Variants in MAN2B1 observed in about 807,000 individuals in gnomAD.
MAN2B1 encodes mannosidase alpha class 2B member 1.
Under a neutral mutation model 127.5 loss-of-function variants are expected in MAN2B1, and 99 were observed. The observed-to-expected ratio is 0.78, with a 90% CI of 0.66 to 0.92. The LOEUF (loss-of-function observed/expected upper bound fraction) is 0.92. MAN2B1 is among the 40% of genes least tolerant of loss of function. The pLI is 0.00. For missense variants in MAN2B1, 1,304 were observed against 1,384.8 expected, an observed-to-expected ratio of 0.94 and a Z score of 0.93; for synonymous variants, 573 against 568.8, an observed-to-expected ratio of 1.01 and a Z score of -0.11.
In MAN2B1 at chr19:12,661,396, C is replaced by T. The variant is rs376680335; in HGVS notation, c.910-20G>A. The T allele has an allele frequency of 3.9e-6, 6 of 1,523,862 alleles. No individual in the cohort carries two copies. The African/African-American group carries it at 6.9e-5, about 17-fold the overall frequency. The allele number at this position is 1,523,862 out of a possible 1,614,324, so 94.4% of individuals were successfully genotyped here. ...CCGGCCCTGCAGGCAAGAGGGGAGT[C>T]CTGAAGCCAGAGGATCCTGGGCCAT... On this transcript the variant is annotated intron_variant, in intron 6 of 23. Coordinates refer to ENST00000456935, the MANE Select transcript of MAN2B1 (RefSeq NM_000528.4).
chr19:12,664,568 G>A (rs1342678267), intron 4 of MAN2B1, among the ~76,000 whole-genome samples: 1 of 152,250 alleles, frequency 6.6e-6, no homozygotes, highest in East Asian at 1.9e-4. Flanking sequence ...TTAGGGGAGA[G>A]GGCGGAGCCA....
intron 7 of MAN2B1, among the ~76,000 whole-genome samples, chr19:12,659,297 C>CTTTT (rs34781385): frequency 2.6e-5 from 3 of 113,932 alleles, no homozygotes; most frequent in Admixed American, 9.0e-5. Context: ...GCTCAATAAA[C>CTTTT]TTTTTTTTTT....
At chr19:12,662,249 G>A (rs564386909) in intron 6 of MAN2B1, among the ~76,000 whole-genome samples, 4 of 152,302 alleles carry the variant, frequency 2.6e-5, no homozygotes, top group Admixed American at 6.5e-5. Context: ...GCCAAGGCAG[G>A]AGGATCACTT....
At chr19:12,655,928 T>A in intron 13 of MAN2B1, 49 bp from the exon 14 acceptor site, 1 of 1,517,626 alleles carries the variant, frequency 6.6e-7, no homozygotes, top group Non-Finnish European at 9.1e-7. Flanking sequence ...CATGGAAAGC[T>A]ATACATGCAT....
At chr19:12,658,723 GAATA>G (rs1160070432) in intron 7 of MAN2B1, 1 of 583,540 alleles carries the variant, frequency 1.7e-6, no homozygotes, top group African/African-American at 1.9e-5. Context: ...AGAGATGCAA[GAATA>G]AACCTGAAAT....
intron 14 of MAN2B1, among the ~76,000 whole-genome samples, chr19:12,654,334 G>A (rs985377152): frequency 3.3e-5 from 5 of 152,040 alleles, no homozygotes; most frequent in East Asian, 1.9e-4. Flanking sequence ...GAGCCACCGC[G>A]CCCGGCCCCC....
At chr19:12,655,664 G>A in intron 14 of MAN2B1, 30 bp downstream of exon 14, 1 of 1,598,370 alleles carries the variant, frequency 6.3e-7, no homozygotes, top group Non-Finnish European at 8.5e-7. Flanking sequence ...TGTCACAGGA[G>A]CAGGAAAGGG....
At chr19:12,649,858 C>T (rs1179322623) in intron 18 of MAN2B1, 55 bp downstream of exon 18, 1 of 1,405,204 alleles carries the variant, frequency 7.1e-7, no homozygotes. Flanking sequence ...CCTCACCACC[C>T]CTGGGCCCCA....
Position 12,647,577 on chromosome 19 carries a change from G to A in MAN2B1, c.2686C>T (p.Leu896=), listed in dbSNP as rs2145221961. 6.2e-7 allele frequency: 1 copy of A among 1,613,922 alleles called. No individual in the cohort carries two copies. Among genetic ancestry groups the A allele is most frequent in the South Asian group, 1.1e-5 (1 of 91,052 alleles). Residue 896 remains leucine (L), a synonymous_variant, in exon 22 of 24, where the codon CTG becomes TTG. Transcript: ENST00000456935. This position sits in a 1 kb window ranked among gnomAD's most constrained non-coding sequence, Gnocchi z 4.9. ...GTGAGCAGGTGCACCGAGGGCGGCAGGTCCCTGCGCAGCCCTGAGAACTGC... is the reference window on the plus strand; with the variant it reads ...GTGAGCAGGTGCACCGAGGGCGGCAAGTCCCTGCGCAGCCCTGAGAACTGC... ...RTQFSGLRRD[L]PPSVHLLTLA...
chr19:12,652,413 A>G lies in MAN2B1; in HGVS notation c.1878T>C (p.Ile626=). 6.2e-7 allele frequency: 1 copy of G among 1,614,128 alleles called. No homozygotes were observed. Among genetic ancestry groups the G allele is most frequent in the Non-Finnish European group, 8.5e-7 (1 of 1,180,022 alleles). The change falls in exon 15 of 24, where the codon ATT becomes ATC. Residue 626 remains isoleucine, a synonymous_variant. Transcript: ENST00000456935. ...GCAGGAGTTGCTGATTCATGTTCAT[A>G]ATCTCCATCAACAGCCCTGTGTCAG... The part of the protein sequence containing the change: ...FDPDTGLLME[I]MNMNQQLLLP...
chr19:12,656,529 G>A (rs766824832), intron 13 of MAN2B1, 42 bp downstream of exon 13: 7 of 1,428,022 alleles, frequency 4.9e-6, no homozygotes, highest in Non-Finnish European at 6.9e-6. Context: ...TGCCCACTGG[G>A]GGAGGAGTCC....
At chr19:12,649,821 C>CCCACACT in intron 18 of MAN2B1, 92 bp downstream of exon 18, 2 of 1,117,292 alleles carry the variant, frequency 1.8e-6, no homozygotes, top group East Asian at 4.7e-5. Context: ...TCCTCTGTCT[C>CCCACACT]CCACACTCAT....
At position 12,665,452 on chromosome 19, in the gene MAN2B1, G is replaced by A; in HGVS notation, c.336C>T (p.Pro112=). ...DSVISALLAD[P]TRRFIYVEIA... is the part of the protein sequence containing the mutation. ...TCTCCACGTAAATGAAGCGACGGGT[G>A]GGATCTGCCAGCAAGGCAGAGATGA... The change falls in exon 3 of 24, where the codon CCC becomes CCT. Residue 112 remains proline (P), a synonymous_variant. Coordinates refer to ENST00000456935, the MANE Select transcript of MAN2B1 (RefSeq NM_000528.4). The A allele has an allele frequency of 6.2e-7, 1 of 1,614,114 alleles. No individual in the cohort carries two copies. Among genetic ancestry groups the A allele is most frequent in the South Asian group, 1.1e-5 (1 of 91,086 alleles).
intron 10 of MAN2B1, 58 bp downstream of exon 10, chr19:12,658,005 T>A: frequency 7.8e-6 from 9 of 1,148,406 alleles, no homozygotes; most frequent in Non-Finnish European, 1.2e-5. Flanking sequence ...GGGGGCGGCC[T>A]AGGGGTGGTT....
intron 14 of MAN2B1, among the ~76,000 whole-genome samples, chr19:12,653,388 A>AC (rs34489442): frequency 0.24 from 32,535 of 135,026 alleles, 3,858 homozygotes; most frequent in Non-Finnish European, 0.3. Flanking sequence ...CTCATGATCC[A>AC]CCCCCCCCTC....
At chr19:12,654,338 G>A (rs528385374) in intron 14 of MAN2B1, among the ~76,000 whole-genome samples, 11 of 152,128 alleles carry the variant, frequency 7.2e-5, no homozygotes, top group South Asian at 2.1e-4. Flanking sequence ...CACCGCGCCC[G>A]GCCCCCCCAA....
intron 14 of MAN2B1, among the ~76,000 whole-genome samples, chr19:12,654,658 G>T (rs2023917020): frequency 6.6e-6 from 1 of 152,090 alleles, no homozygotes; most frequent in Non-Finnish European, 1.5e-5. Flanking sequence ...AACATGAACA[G>T]TCCTACTGCA....
intron 6 of MAN2B1, among the ~76,000 whole-genome samples, chr19:12,662,523 G>A (rs773097150): frequency 2.6e-5 from 4 of 152,084 alleles, no homozygotes; most frequent in African/African-American, 4.8e-5. Flanking sequence ...CCAGCTACTC[G>A]GGAGGCTGAG....
At chr19:12,665,563 G>A (rs775227379) in intron 2 of MAN2B1, 38 bp from the exon 3 acceptor site, 33 of 1,612,468 alleles carry the variant, frequency 2.0e-5, no homozygotes, top group Non-Finnish European at 2.7e-5. Context: ...GGGAACAGCA[G>A]AGCCAAGGGG....
Sources: gnomAD v4.1 joint callset for allele counts (sites outside exome capture counted in the v4.1 genomes callset) on GRCh38, gnomAD v4.1.1 for gene constraint, Gnocchi (gnomAD v3.1) non-coding constraint, MANE v1.5 for transcripts, NCBI Gene and HGNC (gene_info 2026-07-23, HGNC 2026-07-21) for gene names.